The following TRPM3 variants were observed in gnomAD, a reference collection of about 807,000 sequenced individuals.
The protein encoded by TRPM3 is transient receptor potential cation channel subfamily M member 3.
In TRPM3, 77 loss-of-function variants were observed where a neutral mutation model predicts 181.2. That is an observed-to-expected ratio of 0.42 (90% CI 0.35 to 0.51). The LOEUF is 0.51. Ranked by LOEUF, TRPM3 falls within the 20% of genes least tolerant of loss-of-function variation. The pLI is 0.01. For missense variants in TRPM3, 1,759 were observed against 2,196.7 expected (o/e 0.80, Z 3.98); for synonymous variants, 745 against 796.4 (o/e 0.94, Z 1.09).
At chr9:71,436,745 C>A (rs1279663837) in intron 1 of TRPM3, among the ~76,000 whole-genome samples, 1 of 152,146 alleles carries the variant, frequency 6.6e-6, no homozygotes, top group Non-Finnish European at 1.5e-5. Flanking sequence ...CTAGATATTA[C>A]AGAAACACAG....
intron 1 of TRPM3, among the ~76,000 whole-genome samples, chr9:71,059,731 C>T (rs1280239850): frequency 6.6e-6 from 1 of 152,066 alleles, no homozygotes; most frequent in Non-Finnish European, 1.5e-5. Context: ...AGCATCAATT[C>T]CTGTCTCAGT....
intron 4 of TRPM3, among the ~76,000 whole-genome samples, chr9:70,844,459 C>A (rs1171127120): frequency 6.6e-6 from 1 of 152,046 alleles, no homozygotes; most frequent in Non-Finnish European, 1.5e-5. Flanking sequence ...CAAACAAAAA[C>A]AGACCCGAAC....
chr9:70,591,217 G>A lies in TRPM3; in HGVS notation c.3049-12C>T. The stretch of plus-strand genomic sequence containing the variant: ...ATCATGTCTATCATCTGGAAGGGTG[G>A]GGAAGCAGAGGGAGAAACAAGAGAA... On this transcript the variant is annotated splice_polypyrimidine_tract_variant and intron_variant, in intron 21 of 25. Transcript: ENST00000677713. The A allele has an allele frequency of 6.2e-7, 1 of 1,607,718 alleles. No individual in the cohort carries two copies.
intron 1 of TRPM3, among the ~76,000 whole-genome samples, chr9:71,262,432 T>C (rs2083122439): frequency 6.6e-6 from 1 of 152,182 alleles, no homozygotes; most frequent in Non-Finnish European, 1.5e-5. Context: ...TTCAAGCCAA[T>C]GGATCTTAGC....
At chr9:71,232,920 G>A (rs1011941086) in intron 1 of TRPM3, among the ~76,000 whole-genome samples, 11 of 151,946 alleles carry the variant, frequency 7.2e-5, no homozygotes, top group South Asian at 6.2e-4. Flanking sequence ...TCCAGTCCCC[G>A]TTTTCACACT....
intron 1 of TRPM3, among the ~76,000 whole-genome samples, chr9:71,233,744 G>A (rs1588073008): frequency 6.6e-6 from 1 of 152,172 alleles, no homozygotes; most frequent in Non-Finnish European, 1.5e-5. Context: ...CTTGCAAGAA[G>A]CCAAATTTTC....
chr9:71,343,799 C>T (rs566714986), intron 1 of TRPM3, among the ~76,000 whole-genome samples: 72 of 151,912 alleles, frequency 4.7e-4, no homozygotes, highest in African/African-American at 1.6e-3. Flanking sequence ...TTGATTATTC[C>T]AGGTCTGATG....
intron 1 of TRPM3, among the ~76,000 whole-genome samples, chr9:71,128,296 C>A (rs534151675): frequency 1.2e-4 from 19 of 152,222 alleles, no homozygotes; most frequent in African/African-American, 4.6e-4. Flanking sequence ...CAGCTTCCAC[C>A]TTACCAAAAA....
intron 1 of TRPM3, among the ~76,000 whole-genome samples, chr9:71,366,407 T>C (rs1380368444): frequency 6.6e-6 from 1 of 152,060 alleles, no homozygotes; most frequent in Non-Finnish European, 1.5e-5. Flanking sequence ...AGAGGCCCTG[T>C]TGAGCTCTCA....
intron 1 of TRPM3, among the ~76,000 whole-genome samples, chr9:71,438,936 C>T (rs575575145): frequency 2.2e-4 from 33 of 152,174 alleles, no homozygotes; most frequent in Non-Finnish European, 4.1e-4. Flanking sequence ...TCCCAAAGTC[C>T]TTGAGCTTCA....
intron 1 of TRPM3, chr9:70,917,230 A>G (rs1327620076): frequency 3.8e-6 from 6 of 1,576,644 alleles, no homozygotes; most frequent in Non-Finnish European, 5.2e-6. Flanking sequence ...AATACAGGGC[A>G]ATAGCAGTGA....
rs574620794 is a variant in TRPM3, at chr9:71,184,862, T to C, written c.183+261791A>G. On this transcript the variant is annotated intron_variant, in intron 1 of 24. Transcript: ENST00000357533. ...CAGAGGAAGGTGCACCTGAGTCTCA[T>C]GTGTAACTGATAAAGATGTTTGTTT... Among the ~76,000 whole-genome samples the C allele has an allele frequency of 2.6e-4, 39 of 152,230 alleles. No individual in the cohort carries two copies. In the South Asian group the frequency reaches 6.8e-3, roughly 27 times the overall value.
At chr9:71,132,771 A>C (rs2074454811) in intron 1 of TRPM3, among the ~76,000 whole-genome samples, 1 of 152,318 alleles carries the variant, frequency 6.6e-6, no homozygotes, top group African/African-American at 2.4e-5. Context: ...GTATTTTAAA[A>C]ATTATACTTC....
At chr9:71,169,651 T>C (rs2076739089) in intron 1 of TRPM3, among the ~76,000 whole-genome samples, 1 of 151,954 alleles carries the variant, frequency 6.6e-6, no homozygotes, top group Non-Finnish European at 1.5e-5. Flanking sequence ...AAATATATAC[T>C]GATATAAAAA....
intron 12 of TRPM3, among the ~76,000 whole-genome samples, chr9:70,631,704 TA>T (rs1333609489): frequency 1.3e-5 from 2 of 152,326 alleles, no homozygotes; most frequent in East Asian, 1.9e-4. Flanking sequence ...TGGGTTGGTT[TA>T]AAACAATTTA....
chr9:70,665,642 CA>C (rs2061741629), intron 9 of TRPM3, among the ~76,000 whole-genome samples: 1 of 152,114 alleles, frequency 6.6e-6, no homozygotes, highest in African/African-American at 2.4e-5. Flanking sequence ...AGCTGAGAAA[CA>C]TGTTACTAAT....
chr9:71,369,559 A>G (rs1028686569), intron 1 of TRPM3, among the ~76,000 whole-genome samples: 1 of 152,132 alleles, frequency 6.6e-6, no homozygotes, highest in Non-Finnish European at 1.5e-5. Context: ...GCTGGAGTGC[A>G]GTGGCGCGAT....
Position 70,916,467 on chromosome 9 carries a change from T to C in TRPM3, c.178-51956A>G, listed in dbSNP as rs531266790. Among the ~76,000 whole-genome samples the C allele has an allele frequency of 5.9e-5, 9 of 152,252 alleles. No homozygotes were observed. The South Asian group carries it at 1.7e-3, about 28-fold the overall frequency. On this transcript the variant is annotated intron_variant, in intron 1 of 25. Transcript: ENST00000677713. ...ACAGTAGAGTACAGTAAGGTATAAA[T>C]AGAAACAACAAAAAGTTAAAAAGTG...
chr9:70,799,494 G>T (rs945307158), intron 6 of TRPM3, among the ~76,000 whole-genome samples: 12 of 152,210 alleles, frequency 7.9e-5, no homozygotes, highest in African/African-American at 2.9e-4. Flanking sequence ...AGAAATATGG[G>T]TGACAACACT....
Sources: gnomAD v4.1 joint callset for allele counts (sites outside exome capture counted in the v4.1 genomes callset) on GRCh38, gnomAD v4.1.1 for gene constraint, MANE v1.5 for transcripts, NCBI Gene and HGNC (gene_info 2026-07-23, HGNC 2026-07-21) for gene names.